MCTP2: variants seen among roughly 807,000 people sequenced by gnomAD.
The protein encoded by MCTP2 is multiple C2 and transmembrane domain-containing protein 2.
In MCTP2, 132 loss-of-function variants were observed where a neutral mutation model predicts 111.6. That is an observed-to-expected ratio of 1.18 (90% confidence interval 1.03 to 1.37). The LOEUF is 1.37. MCTP2 is among the 40% of genes most tolerant of loss of function. MCTP2 has a pLI of 0.00. For synonymous variants in MCTP2, 395 were observed against 387.7 expected, an observed-to-expected ratio of 1.02 and a Z score of -0.22; for missense variants, 1,183 against 1,067.9, an observed-to-expected ratio of 1.11 and a Z score of -1.50.
In MCTP2 at chr15:94,357,756, A is replaced by G. The variant is rs1293332573; in HGVS notation, c.1171-726A>G. The stretch of plus-strand genomic sequence containing the variant: ...CACCCCTAGAGCCTAATACTCTGGG[A>G]CCAACATTCTTGCTCACTTTGTATT... On this transcript the variant is annotated intron_variant, in intron 9 of 22. Transcript: ENST00000357742. Among the ~76,000 whole-genome samples, 3 of 152,198 alleles carry G rather than the reference A, an allele frequency of 2.0e-5. No homozygotes were observed. The East Asian group carries it at 5.8e-4, about 29-fold the overall frequency.
At chr15:94,288,104 T>C (rs1419200061) in intron 1 of MCTP2, among the ~76,000 whole-genome samples, 2 of 152,228 alleles carry the variant, frequency 1.3e-5, no homozygotes, top group Non-Finnish European at 2.9e-5. Flanking sequence ...TTCGGTAAAA[T>C]AGAGCTATTT....
chr15:94,399,281 C>A (rs2081435467), intron 15 of MCTP2, among the ~76,000 whole-genome samples: 1 of 152,100 alleles, frequency 6.6e-6, no homozygotes, highest in Admixed American at 6.5e-5. Context: ...ACTGGTAAAA[C>A]CTGAGTTTAA....
At chr15:94,261,021 G>A (rs999248908) in intron 1 of MCTP2, among the ~76,000 whole-genome samples, 2 of 152,108 alleles carry the variant, frequency 1.3e-5, no homozygotes, top group African/African-American at 2.4e-5. Flanking sequence ...TATCATGACC[G>A]AGACCCTCCT....
chr15:94,407,814 C>T (rs1567646344), intron 17 of MCTP2, among the ~76,000 whole-genome samples: 4 of 139,330 alleles, frequency 2.9e-5, no homozygotes, highest in South Asian at 4.6e-4. Context: ...CACACACACA[C>T]ACATGCATGA....
chr15:94,352,929 C>T (rs1415386053), intron 8 of MCTP2, among the ~76,000 whole-genome samples: 2 of 152,176 alleles, frequency 1.3e-5, no homozygotes, highest in African/African-American at 4.8e-5. Context: ...AATTAAGAGA[C>T]GTCTTTAAAG....
At chr15:94,249,368 T>G (rs1232109479) in intron 1 of MCTP2, among the ~76,000 whole-genome samples, 1 of 152,204 alleles carries the variant, frequency 6.6e-6, no homozygotes, top group African/African-American at 2.4e-5. Context: ...GGATCTATGG[T>G]TCTGATATTT....
intron 2 of MCTP2, 22 bp from the exon 3 acceptor site, chr15:94,314,258 ATT>A: frequency 6.4e-7 from 1 of 1,565,772 alleles, no homozygotes; most frequent in Non-Finnish European, 8.7e-7. Flanking sequence ...TGTAAAGCAG[ATT>A]TTTTTTTCTT....
At chr15:94,456,753 G>A (rs2084861846) in intron 19 of MCTP2, among the ~76,000 whole-genome samples, 1 of 152,198 alleles carries the variant, frequency 6.6e-6, no homozygotes, top group Non-Finnish European at 1.5e-5. Context: ...AGTCCTGATG[G>A]TAATAATTTA....
intron 18 of MCTP2, 117 bp from the exon 19 acceptor site, chr15:94,442,802 C>A: frequency 2.5e-6 from 2 of 794,814 alleles, no homozygotes; most frequent in Non-Finnish European, 4.4e-6. Flanking sequence ...GGTTGTAATG[C>A]ATTTCAAAAA....
At chr15:94,445,196 A>G (rs1462746853) in intron 19 of MCTP2, among the ~76,000 whole-genome samples, 1 of 152,178 alleles carries the variant, frequency 6.6e-6, no homozygotes, top group Non-Finnish European at 1.5e-5. Flanking sequence ...GCCCAAACCC[A>G]TACCAGTTGT....
chr15:94,446,464 A>T (rs540623074), intron 19 of MCTP2, among the ~76,000 whole-genome samples: 3 of 152,360 alleles, frequency 2.0e-5, no homozygotes, highest in African/African-American at 7.2e-5. Flanking sequence ...AAATTGCATT[A>T]ATTTTCTACA....
intron 4 of MCTP2, among the ~76,000 whole-genome samples, chr15:94,328,563 C>T (rs1260952037): frequency 3.3e-5 from 5 of 152,142 alleles, no homozygotes; most frequent in African/African-American, 1.2e-4. Context: ...TTGTGTATTC[C>T]CACATGTCCG....
intron 17 of MCTP2, 84 bp from the exon 18 acceptor site, chr15:94,440,092 C>T (rs547012247): frequency 1.4e-6 from 2 of 1,466,430 alleles, no homozygotes; most frequent in Non-Finnish European, 1.9e-6. Context: ...CCAATTGAAT[C>T]TCCTTACATC....
At chr15:94,338,956 A>G (rs930260) in intron 4 of MCTP2, among the ~76,000 whole-genome samples, 150,968 of 152,342 alleles carry the variant, frequency 0.99, 74,810 homozygotes, top group East Asian at 1. Flanking sequence ...TTCCTAGGAG[A>G]GGGTGGGCTT....
rs566726505 is a variant in MCTP2, at chr15:94,326,565, A to G, written c.637+10928A>G. 6.0e-5 allele frequency among the ~76,000 whole-genome samples: 9 copies of G among 149,980 alleles called. No individual in the cohort carries two copies. In the East Asian group the frequency reaches 1.8e-3, roughly 29 times the overall value. On this transcript the variant is annotated intron_variant, in intron 4 of 22. Transcript: ENST00000357742. Reference sequence around the variant, plus strand: ...CACCTACCTTGTTATGTGGAATATTATTGTTACTTTTTTTTTTTTTGAGAC... The same window carrying G: ...CACCTACCTTGTTATGTGGAATATTGTTGTTACTTTTTTTTTTTTTGAGAC...
At position 94,272,003 on chromosome 15, in the gene MCTP2, T is replaced by C. The variant is rs147938626; in HGVS notation, c.-65-26198T>C. 4.1e-3 allele frequency among the ~76,000 whole-genome samples: 628 copies of C among 152,322 alleles called. 2 individuals are homozygous for C. The highest frequency in any genetic ancestry group is 0.014 in the African/African-American group (575 of 41,562). ...GGTGATGTTCTAAAGATAGTTCAGG[T>C]GTTCTGTTTCTGCAGGTAATTATTA... On this transcript the variant is annotated intron_variant, in intron 1 of 22. Coordinates refer to ENST00000357742, the MANE Select transcript of MCTP2 (RefSeq NM_001385001.1).
At chr15:94,361,093 T>G (rs2078914849) in intron 10 of MCTP2, among the ~76,000 whole-genome samples, 1 of 132,250 alleles carries the variant, frequency 7.6e-6, no homozygotes, top group South Asian at 2.5e-4. Context: ...AGTTTTTTTT[T>G]TTTTTTTTTT....
At position 94,435,292 on chromosome 15, in the gene MCTP2, G is replaced by C. The variant is rs184467510; in HGVS notation, c.2086-4884G>C. On this transcript the variant is annotated intron_variant, in intron 17 of 22. Transcript: ENST00000357742. ...CCAAATCTTCCACTCCATGAACTAG[G>C]CATATTTATTTTCTTATTTACATAT... Among the ~76,000 whole-genome samples the C allele has an allele frequency of 1.5e-3, 224 of 152,114 alleles. 3 individuals are homozygous for C. Among genetic ancestry groups the C allele is most frequent in the Admixed American group, 7.1e-3 (108 of 15,286 alleles).
intron 17 of MCTP2, among the ~76,000 whole-genome samples, chr15:94,426,249 G>A (rs553086963): frequency 6.6e-6 from 1 of 151,730 alleles, no homozygotes; most frequent in Non-Finnish European, 1.5e-5. Context: ...TATAAATTTT[G>A]GAAGATTCTC....
Sources: gnomAD v4.1 joint callset for allele counts (sites outside exome capture counted in the v4.1 genomes callset) on GRCh38, gnomAD v4.1.1 for gene constraint, MANE v1.5 for transcripts, NCBI Gene and HGNC (gene_info 2026-07-23, HGNC 2026-07-21) for gene names.